Variants in MTA3 observed in about 807,000 individuals in gnomAD.
MTA3 encodes the protein metastasis associated 1 family member 3, also known as metastasis-associated protein MTA3.
A neutral mutation model predicts 83.5 loss-of-function variants in MTA3; 34 were observed. The observed-to-expected ratio is 0.41, with a 90% CI of 0.31 to 0.54. MTA3 has a LOEUF of 0.54. Among genes scored for constraint, MTA3 ranks in the 20% least tolerant of loss-of-function variants. MTA3 has a pLI of 0.33. For synonymous variants in MTA3, 303 were observed against 252.7 expected (o/e 1.20, Z -1.89); for missense variants, 761 against 726.4 (o/e 1.05, Z -0.55).
At chr2:42,608,010 G>A (rs1683704300) in intron 3 of MTA3, among the ~76,000 whole-genome samples, 16 of 152,208 alleles carry the variant, frequency 1.1e-4, no homozygotes, top group Admixed American at 1.0e-3. Context: ...ATTTTAAAAA[G>A]TGGTTTTCAT....
At chr2:42,725,369 C>T (rs1053344564) in intron 16 of MTA3, among the ~76,000 whole-genome samples, 7 of 152,356 alleles carry the variant, frequency 4.6e-5, no homozygotes, top group Admixed American at 1.3e-4. Context: ...AGAATCTTCT[C>T]GTTTAACCAC....
At chr2:42,613,852 A>C (rs776156671) in intron 4 of MTA3, 2 of 152,278 alleles carry the variant, frequency 1.3e-5, no homozygotes, top group South Asian at 2.1e-4. Flanking sequence ...TTAGTGATTC[A>C]TCTCTTGTTT....
intron 16 of MTA3, among the ~76,000 whole-genome samples, chr2:42,734,874 C>A (rs552303752): frequency 2.6e-4 from 40 of 152,238 alleles, no homozygotes; most frequent in African/African-American, 9.4e-4. Flanking sequence ...CTTCATCCCC[C>A]GCTTTTTAAC....
intron 16 of MTA3, among the ~76,000 whole-genome samples, chr2:42,750,017 G>C (rs2104604165): frequency 6.6e-6 from 1 of 151,604 alleles, no homozygotes; most frequent in African/African-American, 2.4e-5. Context: ...TTTTGAGACG[G>C]AGTCTCACTC....
rs1015037643 is a variant in MTA3, at chr2:42,529,988, C to A, written c.-141+34734C>A. 5.3e-5 allele frequency among the ~76,000 whole-genome samples: 8 copies of A among 151,596 alleles called. No homozygotes were observed. The South Asian group carries it at 1.7e-3, about 31-fold the overall frequency. On this transcript the variant is annotated intron_variant, in intron 2 of 17. Coordinates refer to the MTA3 transcript ENST00000405592. ...GGATCACGAGGTCAGGAGTTCGAGA[C>A]CAGCCTGGCCAACATGGTGAAACCA...
intron 3 of MTA3, among the ~76,000 whole-genome samples, chr2:42,599,846 A>T (rs1682332429): frequency 6.6e-6 from 1 of 152,038 alleles, no homozygotes; most frequent in Non-Finnish European, 1.5e-5. Flanking sequence ...TGGTTTTCAG[A>T]CTACTCTGTT....
chr2:42,649,036 A>T (rs1166984901), intron 6 of MTA3, among the ~76,000 whole-genome samples: 1 of 152,140 alleles, frequency 6.6e-6, no homozygotes, highest in Non-Finnish European at 1.5e-5. Flanking sequence ...AATTCTTGTC[A>T]TGCAGTTAGC....
chr2:42,593,441 T>G (rs1439291064), intron 3 of MTA3, among the ~76,000 whole-genome samples: 1 of 152,206 alleles, frequency 6.6e-6, no homozygotes, highest in Admixed American at 6.5e-5. Flanking sequence ...TAATTCTATG[T>G]GCTATACATT....
chr2:42,557,186 T>G (rs1055668606), intron 2 of MTA3, among the ~76,000 whole-genome samples: 1 of 151,980 alleles, frequency 6.6e-6, no homozygotes, highest in Non-Finnish European at 1.5e-5. Flanking sequence ...GAGGTTGCAG[T>G]GAGCAGATAT....
intron 4 of MTA3, among the ~76,000 whole-genome samples, chr2:42,623,697 ATTTT>A (rs35112138): frequency 1.6e-5 from 2 of 128,172 alleles, no homozygotes; most frequent in Admixed American, 8.1e-5. Flanking sequence ...GGTAGTTCAG[ATTTT>A]TTTTTTTTTT....
At chr2:42,543,837 A>AAT (rs1553340123) in intron 2 of MTA3, among the ~76,000 whole-genome samples, 35 of 151,300 alleles carry the variant, frequency 2.3e-4, no homozygotes, top group African/African-American at 5.3e-4. Flanking sequence ...TACATTAAAA[A>AAT]ATATATATAT....
chr2:42,696,654 C>T (rs1162680586), intron 10 of MTA3, among the ~76,000 whole-genome samples: 1 of 151,992 alleles, frequency 6.6e-6, no homozygotes, highest in African/African-American at 2.4e-5. Context: ...ACCTATATTC[C>T]CAGCATTTTG....
Position 42,754,558 on chromosome 2 carries a change from A to G in MTA3, c.*1159A>G, listed in dbSNP as rs1670109908. On this transcript the variant is annotated 3_prime_UTR_variant, in exon 17 of 17. Transcript: ENST00000405094. ...GCTACTTGTGCTGGCAGCTGCAAGGATAGGAATAGCTCAGCGCCCGATGAG... is the reference window on the plus strand; with the variant it reads ...GCTACTTGTGCTGGCAGCTGCAAGGGTAGGAATAGCTCAGCGCCCGATGAG... The G allele has an allele frequency of 1.0e-6, 1 of 985,412 alleles. No individual in the cohort carries two copies. Among genetic ancestry groups the G allele is most frequent in the Non-Finnish European group, 1.2e-6 (1 of 829,958 alleles). 61.0% of individuals were successfully genotyped at this position (985,412 alleles called of 1,614,324 possible). A position where few individuals can be genotyped will look rare whatever the true frequency, so the allele number is the denominator to read the frequency against.
At chr2:42,559,451 G>A (rs988207040) in intron 2 of MTA3, among the ~76,000 whole-genome samples, 2 of 150,168 alleles carry the variant, frequency 1.3e-5, no homozygotes, top group Admixed American at 6.6e-5. Flanking sequence ...GCAGTAAGCC[G>A]AGATCATGCC....
At chr2:42,699,305 G>A (rs1368901678) in intron 11 of MTA3, among the ~76,000 whole-genome samples, 2 of 152,090 alleles carry the variant, frequency 1.3e-5, no homozygotes, top group Admixed American at 6.6e-5. Flanking sequence ...GGGCTCAAGC[G>A]ATCCTCCCAC....
chr2:42,651,194 A>G (rs28552945), intron 6 of MTA3, among the ~76,000 whole-genome samples: 22,325 of 152,244 alleles, frequency 0.15, 1,885 homozygotes, highest in Middle Eastern at 0.24. Flanking sequence ...CCCACTGTGT[A>G]GGGCACTTAC....
chr2:42,750,435 C>T (rs1199656031), intron 16 of MTA3, among the ~76,000 whole-genome samples: 2 of 150,226 alleles, frequency 1.3e-5, no homozygotes, highest in Admixed American at 6.6e-5. Context: ...CCTTTGTTGT[C>T]AAACAATGTT....
chr2:42,635,712 A>G (rs1371786847), intron 4 of MTA3, among the ~76,000 whole-genome samples: 1 of 152,214 alleles, frequency 6.6e-6, no homozygotes, highest in Non-Finnish European at 1.5e-5. Flanking sequence ...TGAAGCAATA[A>G]TACTGTTTGT....
At chr2:42,639,344 TTG>T (rs113588638) in intron 4 of MTA3, among the ~76,000 whole-genome samples, 2,156 of 152,262 alleles carry the variant, frequency 0.014, 53 homozygotes, top group African/African-American at 0.048. Context: ...TAAAGAAACA[TTG>T]TGTGAGCCCT....
Sources: gnomAD v4.1 joint callset for allele counts (sites outside exome capture counted in the v4.1 genomes callset) on GRCh38, gnomAD v4.1.1 for gene constraint, MANE v1.5 for transcripts, NCBI Gene and HGNC (gene_info 2026-07-23, HGNC 2026-07-21) for gene names.